The following GRID2 variants were observed in gnomAD, a reference collection of about 807,000 sequenced individuals.
GRID2 encodes the protein glutamate receptor ionotropic, delta-2.
A neutral mutation model predicts 114.8 loss-of-function variants in GRID2; 33 were observed. That is an observed-to-expected ratio of 0.29 (90% CI 0.22 to 0.38). The LOEUF (loss-of-function observed/expected upper bound fraction) is 0.38, where lower values mean the gene tolerates loss of function less well. GRID2 is among the 10% of genes least tolerant of loss of function. The pLI is 1.00. For missense variants in GRID2, 1,184 were observed against 1,257.7 expected, an observed-to-expected ratio of 0.94 and a Z score of 0.89; for synonymous variants, 505 against 449.9, an observed-to-expected ratio of 1.12 and a Z score of -1.55.
At chr4:93,506,746 A>G (rs538803711) in intron 12 of GRID2, among the ~76,000 whole-genome samples, 1 of 152,278 alleles carries the variant, frequency 6.6e-6, no homozygotes, top group South Asian at 2.1e-4. Context: ...CTTCATTTGA[A>G]AAGTTCTCTC....
chr4:93,765,491 C>T (rs1167748396), intron 14 of GRID2, among the ~76,000 whole-genome samples: 2 of 151,926 alleles, frequency 1.3e-5, no homozygotes, highest in African/African-American at 4.8e-5. Context: ...GTGCTTCCTT[C>T]TTTCCCCTCG....
chr4:92,994,099 G>A (rs1755062079), intron 2 of GRID2, among the ~76,000 whole-genome samples: 1 of 152,038 alleles, frequency 6.6e-6, no homozygotes, highest in Admixed American at 6.6e-5. Context: ...GTCCTTTGCA[G>A]TTTGAAGGAC....
intron 2 of GRID2, among the ~76,000 whole-genome samples, chr4:92,602,664 C>T (rs1579663447): frequency 6.6e-6 from 1 of 152,282 alleles, no homozygotes; most frequent in Non-Finnish European, 1.5e-5. Context: ...TGCCCTGTCT[C>T]ACGACTCCTA....
chr4:92,741,654 A>G lies in GRID2; in HGVS notation c.244+151368A>G, dbSNP rs539824581. Among the ~76,000 whole-genome samples, 28 of 152,272 alleles carry G rather than the reference A, an allele frequency of 1.8e-4. No homozygotes were observed. In the South Asian group the frequency reaches 5.6e-3, roughly 30 times the overall value. The stretch of plus-strand genomic sequence containing the variant: ...TCTGCAAGCCTTTGCTCAGCTGTCT[A>G]TGTCCCCCAACTCTAGCCTTAAAAG... On this transcript the variant is annotated intron_variant, in intron 2 of 15. Coordinates refer to ENST00000282020, the MANE Select transcript of GRID2 (RefSeq NM_001510.4).
intron 2 of GRID2, among the ~76,000 whole-genome samples, chr4:93,042,289 CTCTCTCTCTCTATATATA>C (rs1463214411): frequency 1.2e-5 from 1 of 85,284 alleles, no homozygotes; most frequent in Non-Finnish European, 2.4e-5. Flanking sequence ...CTCTCTCTCT[CTCTCTCTCTCTATATATA>C]TATATATATA....
chr4:92,921,938 C>A (rs530766041), intron 2 of GRID2, among the ~76,000 whole-genome samples: 262 of 152,304 alleles, frequency 1.7e-3, no homozygotes, highest in Middle Eastern at 0.014. Flanking sequence ...ATGCCCTGCC[C>A]CCAGAGGTGG....
At chr4:92,878,901 C>A (rs1578371993) in intron 2 of GRID2, among the ~76,000 whole-genome samples, 1 of 152,186 alleles carries the variant, frequency 6.6e-6, no homozygotes, top group East Asian at 1.9e-4. Context: ...CCCATTTATA[C>A]AAACCCGTGA....
intron 2 of GRID2, among the ~76,000 whole-genome samples, chr4:92,625,386 G>A (rs547554423): frequency 1.2e-4 from 18 of 151,884 alleles, no homozygotes; most frequent in African/African-American, 4.3e-4. Context: ...TGAGGTCTGA[G>A]AAAATATGTG....
intron 6 of GRID2, among the ~76,000 whole-genome samples, chr4:93,219,522 C>T (rs1744633184): frequency 6.6e-6 from 1 of 152,022 alleles, no homozygotes; most frequent in Admixed American, 6.6e-5. Flanking sequence ...GTGAACATCC[C>T]TCTTATGTAT....
intron 2 of GRID2, among the ~76,000 whole-genome samples, chr4:92,891,897 T>C (rs992690461): frequency 2.0e-5 from 3 of 152,194 alleles, no homozygotes; most frequent in African/African-American, 4.8e-5. Context: ...GTGTCAAATA[T>C]TCTTTCCTGT....
chr4:92,801,047 T>C (rs1740137675), intron 2 of GRID2, among the ~76,000 whole-genome samples: 1 of 152,004 alleles, frequency 6.6e-6, no homozygotes, highest in African/African-American at 2.4e-5. Flanking sequence ...ATGTGTCACA[T>C]AGCACCTGGC....
At chr4:93,100,452 A>G (rs575833857) in intron 3 of GRID2, among the ~76,000 whole-genome samples, 3 of 152,120 alleles carry the variant, frequency 2.0e-5, no homozygotes, top group South Asian at 2.1e-4. Flanking sequence ...AGATTTTTTA[A>G]ATGGCTTATG....
rs532214328 is a variant in GRID2, at chr4:92,588,072, C to T, written c.89-2059C>T. Reference sequence around the variant, plus strand: ...AATTTGTATCATACTTCCTAACAAACTATTAAAGAAATTTGTATATCTAAA... The same window carrying T: ...AATTTGTATCATACTTCCTAACAAATTATTAAAGAAATTTGTATATCTAAA... On this transcript the variant is annotated intron_variant, in intron 1 of 15. Coordinates refer to ENST00000282020, the MANE Select transcript of GRID2 (RefSeq NM_001510.4). 5.9e-5 allele frequency among the ~76,000 whole-genome samples: 9 copies of T among 152,212 alleles called. 1 individual carries two copies. The East Asian group carries it at 7.7e-4, about 13-fold the overall frequency.
chr4:93,307,732 C>T (rs747437400), intron 8 of GRID2, among the ~76,000 whole-genome samples: 12 of 152,048 alleles, frequency 7.9e-5, no homozygotes, highest in Non-Finnish European at 1.5e-4. Context: ...CCAATAATTC[C>T]ATTCCAAATA....
At chr4:92,814,568 G>A (rs1458974669) in intron 2 of GRID2, among the ~76,000 whole-genome samples, 1 of 152,080 alleles carries the variant, frequency 6.6e-6, no homozygotes, top group Non-Finnish European at 1.5e-5. Flanking sequence ...TCACCCATAG[G>A]GAGGATCCTA....
chr4:93,484,998 T>C (rs1052246517), intron 11 of GRID2, among the ~76,000 whole-genome samples: 5 of 151,824 alleles, frequency 3.3e-5, no homozygotes, highest in African/African-American at 4.8e-5. Context: ...TCAGAGATCA[T>C]TTATCAGAAT....
At chr4:93,555,581 T>A (rs1050440812) in intron 13 of GRID2, among the ~76,000 whole-genome samples, 2 of 152,302 alleles carry the variant, frequency 1.3e-5, no homozygotes. Flanking sequence ...GGGCAGGGCA[T>A]CTGAAAGAAA....
At chr4:93,766,839 A>C (rs1035282906) in intron 14 of GRID2, among the ~76,000 whole-genome samples, 1 of 152,140 alleles carries the variant, frequency 6.6e-6, no homozygotes, top group African/African-American at 2.4e-5. Flanking sequence ...TATTCTATGA[A>C]AATTTTTAAT....
intron 2 of GRID2, among the ~76,000 whole-genome samples, chr4:92,696,018 A>AC (rs1364762576): frequency 2.0e-5 from 3 of 152,178 alleles, no homozygotes; most frequent in African/African-American, 7.2e-5. Context: ...CATATGCTTC[A>AC]CTAAATAATA....
Sources: gnomAD v4.1 joint callset for allele counts (sites outside exome capture counted in the v4.1 genomes callset) on GRCh38, gnomAD v4.1.1 for gene constraint, MANE v1.5 for transcripts, NCBI Gene and HGNC (gene_info 2026-07-23, HGNC 2026-07-21) for gene names.